CDKL5: variants seen among roughly 807,000 people sequenced by gnomAD.
CDKL5 encodes cyclin-dependent kinase-like 5.
A neutral mutation model predicts 61.7 loss-of-function variants in CDKL5; 8 were observed. The observed-to-expected ratio is 0.13, with a 90% CI of 0.08 to 0.23. The LOEUF is 0.23. Among genes scored for constraint, CDKL5 ranks in the 10% least tolerant of loss-of-function variants. The probability of loss-of-function intolerance (pLI) is 1.00; values close to 1 mark genes in which losing one functional copy is unlikely to be tolerated. For missense variants in CDKL5, 440 were observed against 734.5 expected, an observed-to-expected ratio of 0.60 and a Z score of 4.63; for synonymous variants, 275 against 272.3, an observed-to-expected ratio of 1.01 and a Z score of -0.10.
chrX:18,491,849 C>T (rs915567285), intron 1 of CDKL5, among the ~76,000 whole-genome samples: 5 of 111,318 alleles, frequency 4.5e-5, no homozygotes, highest in Non-Finnish European at 9.4e-5. Context: ...TTTCACTTCT[C>T]TCTCTAGCTT....
chrX:18,561,656 C>T lies in CDKL5; in HGVS notation c.100-2821C>T, dbSNP rs186126293. Reference sequence around the variant, plus strand: ...CTATACTAGACTAGGCTAGAGTCCACTAGAAATCTCTGAAAGCACATCTAG... The same window carrying T: ...CTATACTAGACTAGGCTAGAGTCCATTAGAAATCTCTGAAAGCACATCTAG... On this transcript the variant is annotated intron_variant, in intron 3 of 17. Coordinates refer to ENST00000623535, the MANE Select transcript of CDKL5 (RefSeq NM_001323289.2). Among the ~76,000 whole-genome samples the T allele has an allele frequency of 2.7e-5, 3 of 110,293 alleles. No individual in the cohort carries two copies. The East Asian group carries it at 8.5e-4, about 31-fold the overall frequency.
At chrX:18,457,600 T>A (rs1454706302) in intron 1 of CDKL5, 1 of 111,066 alleles carries the variant, frequency 9.0e-6, no homozygotes, top group African/African-American at 3.3e-5. Context: ...CCCTGGTATG[T>A]TTAATGTTTT....
intron 1 of CDKL5, among the ~76,000 whole-genome samples, chrX:18,488,913 T>C (rs758165738): frequency 9.8e-5 from 11 of 111,761 alleles, no homozygotes; most frequent in Admixed American, 4.7e-4. Flanking sequence ...ATAAAATGTA[T>C]CACACTTTGT....
At chrX:18,647,271 G>A (rs764662119) in intron 20 of CDKL5, 1 of 1,210,637 alleles carries the variant, frequency 8.3e-7, no homozygotes, top group South Asian at 1.8e-5. Flanking sequence ...GGTTAGAGCA[G>A]GTGATCTGGT....
intron 9 of CDKL5, among the ~76,000 whole-genome samples, chrX:18,594,105 T>A (rs1925915172): frequency 8.9e-6 from 1 of 112,321 alleles, no homozygotes; most frequent in Non-Finnish European, 1.9e-5. Flanking sequence ...TCCTTAAATA[T>A]CTTGTTTGAA....
Position 18,628,766 on chromosome X carries a change from G to A in CDKL5, c.*9G>A. The A allele has an allele frequency of 9.1e-7, 1 of 1,100,569 alleles. No individual in the cohort carries two copies. Among genetic ancestry groups the A allele is most frequent in the South Asian group, 2.2e-5 (1 of 44,587 alleles). 90.7% of individuals were successfully genotyped at this position (1,100,569 alleles called of 1,213,427 possible). A position where few individuals can be genotyped will look rare whatever the true frequency, so the allele number is the denominator to read the frequency against. ...AAGAGACAGCCTTGTAATTTGTGCT[G>A]GTAGGGGGGAGGGGTGGACAGACAA... On this transcript the variant is annotated 3_prime_UTR_variant, in exon 18 of 18. Coordinates refer to ENST00000623535, the MANE Select transcript of CDKL5 (RefSeq NM_001323289.2).
chrX:18,509,900 C>T (rs1208876123), intron 2 of CDKL5, among the ~76,000 whole-genome samples: 1 of 109,055 alleles, frequency 9.2e-6, no homozygotes, highest in Non-Finnish European at 1.9e-5. Context: ...GCCTATAATC[C>T]CAGCACTTTG....
chrX:18,509,245 A>ACACACACACACACACACC (rs796171313), intron 2 of CDKL5, among the ~76,000 whole-genome samples: 5 of 95,353 alleles, frequency 5.2e-5, no homozygotes, highest in Admixed American at 3.8e-4. Flanking sequence ...ACACACACAC[A>ACACACACACACACACACC]CCCCTGTCAA....
chrX:18,630,642 A>G lies in CDKL5; in HGVS notation c.*1885A>G, dbSNP rs1399605696. 2.7e-6 allele frequency: 2 copies of G among 730,027 alleles called. No homozygotes were observed. Among genetic ancestry groups the G allele is most frequent in the Non-Finnish European group, 3.2e-6 (2 of 619,599 alleles). 60.2% of individuals were successfully genotyped at this position (730,027 alleles called of 1,213,427 possible). ...TTTTTATATAAATACTATAATGTGT[A>G]TTGATTATATAGATAGGTCATTTTA... On this transcript the variant is annotated 3_prime_UTR_variant, in exon 18 of 18. Transcript: ENST00000623535.
intron 1 of CDKL5, among the ~76,000 whole-genome samples, chrX:18,448,199 AC>A (rs1454213094): frequency 8.9e-6 from 1 of 112,148 alleles, no homozygotes. Flanking sequence ...TCTGAGATCC[AC>A]CTGGGCTCCC....
intron 3 of CDKL5, among the ~76,000 whole-genome samples, chrX:18,556,158 T>A (rs1380010400): frequency 8.9e-6 from 1 of 112,157 alleles, no homozygotes; most frequent in Non-Finnish European, 1.9e-5. Context: ...TAAATACTTT[T>A]GGACTAAGTT....
chrX:18,550,054 G>C (rs1924331530), intron 3 of CDKL5, among the ~76,000 whole-genome samples: 2 of 111,712 alleles, frequency 1.8e-5, no homozygotes, highest in African/African-American at 6.5e-5. Flanking sequence ...GGGGCAAGCT[G>C]ATACCCACGC....
chrX:18,599,239 G>T, intron 11 of CDKL5, among the ~76,000 whole-genome samples: 1 of 111,415 alleles, frequency 9.0e-6, no homozygotes, highest in Non-Finnish European at 1.9e-5. Context: ...ACAGGATTTG[G>T]GCCATACAAT....
chrX:18,564,335 G>A, intron 3 of CDKL5, 142 bp from the exon 4 acceptor site: 1 of 332,960 alleles, frequency 3.0e-6, no homozygotes, highest in East Asian at 5.5e-5. Context: ...GAAATGAGAG[G>A]TGGCGGGGGA....
At chrX:18,546,829 G>A (rs1240901122) in intron 3 of CDKL5, among the ~76,000 whole-genome samples, 2 of 111,213 alleles carry the variant, frequency 1.8e-5, no homozygotes, top group African/African-American at 6.6e-5. Flanking sequence ...GTTTGCTGGA[G>A]GTGTGAATAG....
At chrX:18,500,670 G>A (rs1262435305) in intron 1 of CDKL5, among the ~76,000 whole-genome samples, 1 of 110,660 alleles carries the variant, frequency 9.0e-6, no homozygotes. Context: ...GCCATCACCA[G>A]AACTAAAACG....
At chrX:18,476,673 C>T (rs1488401056) in intron 1 of CDKL5, among the ~76,000 whole-genome samples, 3 of 112,613 alleles carry the variant, frequency 2.7e-5, no homozygotes, top group African/African-American at 9.7e-5. Flanking sequence ...TTAATATAGC[C>T]ATTCCAGCTC....
At chrX:18,433,933 G>A (rs1931554589) in intron 1 of CDKL5, among the ~76,000 whole-genome samples, 1 of 112,401 alleles carries the variant, frequency 8.9e-6, no homozygotes, top group East Asian at 2.8e-4. Flanking sequence ...TGCCTAATGC[G>A]CGTGTCGTAG....
Position 18,542,365 on chromosome X carries a change from G to C in CDKL5, c.100-22112G>C, listed in dbSNP as rs1292240082. ...TTCGCAGCATTTGCTGGCATGGGTA[G>C]GGCCCCAGTTTTCACTGTTTTGTGG... On this transcript the variant is annotated intron_variant, in intron 3 of 17. Transcript: ENST00000623535. 7.2e-5 allele frequency among the ~76,000 whole-genome samples: 8 copies of C among 111,866 alleles called. No individual in the cohort carries two copies. The Admixed American group carries it at 7.6e-4, about 11-fold the overall frequency.
Sources: gnomAD v4.1 joint callset for allele counts (sites outside exome capture counted in the v4.1 genomes callset) on GRCh38, gnomAD v4.1.1 for gene constraint, MANE v1.5 for transcripts, NCBI Gene and HGNC (gene_info 2026-07-23, HGNC 2026-07-21) for gene names.